The following RASA1 variants were observed in gnomAD, a reference collection of about 807,000 sequenced individuals.
RASA1 encodes the protein ras GTPase-activating protein 1.
Under a neutral mutation model 132.2 loss-of-function variants are expected in RASA1, and 25 were observed. The observed-to-expected ratio is 0.19, with a 90% CI of 0.14 to 0.26. RASA1 has a LOEUF of 0.26. RASA1 is among the 10% of genes least tolerant of loss of function. The probability of loss-of-function intolerance (pLI) is 1.00; values close to 1 mark genes in which losing one functional copy is unlikely to be tolerated. For synonymous variants in RASA1, 477 were observed against 449.9 expected (o/e 1.06, Z -0.76); for missense variants, 964 against 1,299.2 (o/e 0.74, Z 3.97).
chr5:87,362,918 T>C (rs1256102078), intron 10 of RASA1, among the ~76,000 whole-genome samples: 1 of 151,346 alleles, frequency 6.6e-6, no homozygotes, highest in African/African-American at 2.4e-5. Flanking sequence ...TTTTTTTTTT[T>C]GAGGAACTCC....
intron 6 of RASA1, among the ~76,000 whole-genome samples, chr5:87,345,341 C>T (rs986555282): frequency 6.6e-6 from 1 of 152,158 alleles, no homozygotes; most frequent in Non-Finnish European, 1.5e-5. Flanking sequence ...AACCCTATCA[C>T]TTTTTTACCC....
chr5:87,313,091 G>A (rs572991079), intron 1 of RASA1, among the ~76,000 whole-genome samples: 1 of 152,312 alleles, frequency 6.6e-6, no homozygotes, highest in South Asian at 2.1e-4. Flanking sequence ...TCAACAAGTT[G>A]TATGGACTGC....
chr5:87,382,552 G>A (rs956609372), intron 20 of RASA1, among the ~76,000 whole-genome samples: 3 of 152,136 alleles, frequency 2.0e-5, no homozygotes, highest in Non-Finnish European at 4.4e-5. Context: ...TTAATTATTA[G>A]TGTGGATTCT....
chr5:87,279,578 C>T (rs1483888034), intron 1 of RASA1, among the ~76,000 whole-genome samples: 1 of 152,098 alleles, frequency 6.6e-6, no homozygotes, highest in Non-Finnish European at 1.5e-5. Context: ...TAAGAAATTG[C>T]CAGCATTTTC....
chr5:87,296,957 CCTCT>C (rs922957638), intron 1 of RASA1, among the ~76,000 whole-genome samples: 10 of 151,806 alleles, frequency 6.6e-5, no homozygotes, highest in African/African-American at 2.4e-4. Context: ...CTTTCTTTTT[CCTCT>C]CTTTTTTTTC....
chr5:87,332,404 A>G (rs1482227379), intron 2 of RASA1, 103 bp from the exon 3 acceptor site: 2 of 1,212,208 alleles, frequency 1.6e-6, no homozygotes, highest in Non-Finnish European at 2.4e-6. Flanking sequence ...AGTTACAAGG[A>G]AAAGAGTATG....
At chr5:87,319,448 C>G (rs1039090751) in intron 1 of RASA1, among the ~76,000 whole-genome samples, 2 of 152,222 alleles carry the variant, frequency 1.3e-5, no homozygotes, top group African/African-American at 2.4e-5. Flanking sequence ...AAGGTGGAGG[C>G]TCCCAAACCT....
At chr5:87,334,747 A>C (rs1757844000) in intron 4 of RASA1, among the ~76,000 whole-genome samples, 2 of 152,208 alleles carry the variant, frequency 1.3e-5, no homozygotes, top group South Asian at 4.1e-4. Flanking sequence ...GGAGTAAAAA[A>C]TATTTATTGA....
intron 1 of RASA1, among the ~76,000 whole-genome samples, chr5:87,278,767 A>G (rs1754179669): frequency 6.6e-6 from 1 of 152,124 alleles, no homozygotes; most frequent in African/African-American, 2.4e-5. Flanking sequence ...TCTATGCAGT[A>G]TTGTAACATG....
chr5:87,372,035 A>T, intron 12 of RASA1, 83 bp from the exon 13 acceptor site: 1 of 1,114,644 alleles, frequency 9.0e-7, no homozygotes. Context: ...AAATTGTTGA[A>T]TTTGAAAAAA....
chr5:87,376,840 A>G (rs1199723296), intron 16 of RASA1, 41 bp from the exon 17 acceptor site: 35 of 1,538,246 alleles, frequency 2.3e-5, no homozygotes, highest in Non-Finnish European at 2.9e-5. Flanking sequence ...CATGCTTATA[A>G]TGCTACGTAC....
At chr5:87,348,593 T>C (rs1157219125) in intron 7 of RASA1, among the ~76,000 whole-genome samples, 1 of 152,012 alleles carries the variant, frequency 6.6e-6, no homozygotes, top group Non-Finnish European at 1.5e-5. Flanking sequence ...TGAATCTACC[T>C]TTATAAAAAG....
At chr5:87,320,570 CCA>C (rs1177288786) in intron 1 of RASA1, among the ~76,000 whole-genome samples, 1 of 152,102 alleles carries the variant, frequency 6.6e-6, no homozygotes, top group Non-Finnish European at 1.5e-5. Flanking sequence ...TGGGGAAGCG[CCA>C]CACACTTTTA....
intron 1 of RASA1, among the ~76,000 whole-genome samples, chr5:87,314,932 A>G (rs1299152876): frequency 6.6e-6 from 1 of 152,106 alleles, no homozygotes; most frequent in African/African-American, 2.4e-5. Flanking sequence ...GATAAGTGAC[A>G]CCCCCATCTT....
At chr5:87,384,182 A>C (rs1187938755) in intron 21 of RASA1, among the ~76,000 whole-genome samples, 1 of 152,166 alleles carries the variant, frequency 6.6e-6, no homozygotes, top group Admixed American at 6.5e-5. Flanking sequence ...CAGTTGGAAT[A>C]GTATTCTGTG....
At position 87,373,819 on chromosome 5, in the gene RASA1, CTTATA is replaced by C. The variant is rs893153379; in HGVS notation, c.1777-340_1777-336del. ...TAATTTGAGTAGTGACAGTTGTTTA[CTTATA>C]TTAATAAAGAATTTTCTTCTTAACT... On this transcript the variant is annotated intron_variant, in intron 13 of 24. Transcript: ENST00000274376. Among the ~76,000 whole-genome samples, 47 of 152,006 alleles carry C rather than the reference CTTATA, an allele frequency of 3.1e-4. No individual in the cohort carries two copies. The Middle Eastern group carries it at 0.017, about 55-fold the overall frequency.
chr5:87,335,432 T>TG (rs1157560081), intron 4 of RASA1, among the ~76,000 whole-genome samples: 3 of 144,336 alleles, frequency 2.1e-5, no homozygotes, highest in Admixed American at 6.9e-5. Context: ...TTTTTTTTTT[T>TG]TTTTTTTTTT....
In RASA1 at chr5:87,268,371, TG is replaced by T; in HGVS notation, c.-77del. ...GAGCTGAAGGGGAGACGCGTCTGGG[TG>T]GGGCTGCTCGGAGCCCGGGCCTGGT... is the stretch of plus-strand genomic sequence containing the variant. On this transcript the variant is annotated 5_prime_UTR_variant, in exon 1 of 25. Coordinates refer to ENST00000274376, the MANE Select transcript of RASA1 (RefSeq NM_002890.3). 1 of 1,436,750 alleles carries T rather than the reference TG, an allele frequency of 7.0e-7. No homozygotes were observed. The highest frequency in any genetic ancestry group is 2.5e-5 in the East Asian group (1 of 39,708). 89.0% of individuals were successfully genotyped at this position (1,436,750 alleles called of 1,614,324 possible).
Position 87,389,514 on chromosome 5 carries a change from G to A in RASA1, c.3047G>A (p.Arg1016His). The A allele has an allele frequency of 1.9e-6, 3 of 1,614,026 alleles. No homozygotes were observed. The highest frequency in any genetic ancestry group is 1.7e-6 in the Non-Finnish European group (2 of 1,179,930). The change falls in exon 24 of 25, where the codon CGT (arginine) becomes CAT (histidine). Residue 1016 changes from arginine to histidine, a missense_variant. Physicochemically the swap from Arg to His is conservative, Grantham distance 29 (BLOSUM62 0). Around this residue, in one of 6 missense-constraint regions of RASA1, gnomAD observed 107 missense variants for 163.8 expected, o/e 0.65. Coordinates refer to ENST00000274376, the MANE Select transcript of RASA1 (RefSeq NM_002890.3). ...SDELRTLSNE[R>H]GAQQHVLKKL... ...GAACTTCGAACGCTCAGTAATGAGCGTGGTGCACAGCAGGTAGGCTTTCGC... is the reference window on the plus strand; with the variant it reads ...GAACTTCGAACGCTCAGTAATGAGCATGGTGCACAGCAGGTAGGCTTTCGC...
Sources: allele counts gnomAD v4.1 joint callset (sites outside exome capture counted in the v4.1 genomes callset), GRCh38; gene constraint gnomAD v4.1.1; regional missense constraint gnomAD v4.1.1; transcripts MANE v1.5; gene names NCBI Gene and HGNC (gene_info 2026-07-23, HGNC 2026-07-21).